PLA2G4B: variants seen among roughly 807,000 people sequenced by gnomAD.
PLA2G4B encodes the protein cytosolic phospholipase A2 beta.
Under a neutral mutation model 95.8 loss-of-function variants are expected in PLA2G4B, and 122 were observed. The observed-to-expected ratio is 1.27, with a 90% CI of 1.10 to 1.48. The LOEUF is 1.48. PLA2G4B is among the 40% of genes most tolerant of loss of function. The probability of loss-of-function intolerance (pLI) is 0.00; values close to 1 mark genes in which losing one functional copy is unlikely to be tolerated. For synonymous variants in PLA2G4B, 518 were observed against 421.5 expected, an observed-to-expected ratio of 1.23 and a Z score of -2.80; for missense variants, 1,158 against 996.2, an observed-to-expected ratio of 1.16 and a Z score of -2.19.
Position 41,841,954 on chromosome 15 carries a change from T to C in PLA2G4B, c.621+5T>C, listed in dbSNP as rs1455809584. 2.5e-6 allele frequency: 4 copies of C among 1,609,530 alleles called. No homozygotes were observed. Among genetic ancestry groups the C allele is most frequent in the Non-Finnish European group, 3.4e-6 (4 of 1,178,768 alleles). On this transcript the variant is annotated splice_donor_5th_base_variant and intron_variant, in intron 8 of 19. Transcript: ENST00000458483. ...GAGCTGAGTATTCGCCTGCAGGTAG[T>C]GTGCCTCGCTCCCTCGAGGTGGGGC...
At position 41,842,190 on chromosome 15, in the gene PLA2G4B, C is replaced by T. The variant is rs202203554; in HGVS notation, c.622-3C>T. ...TTAGGTCTGCATTCTTTGTCCCCTG[C>T]AGGATGCCCCCGAGGAGCAACTAAA... On this transcript the variant is annotated splice_region_variant and splice_polypyrimidine_tract_variant and intron_variant, in intron 8 of 19. Coordinates refer to ENST00000458483, the MANE Select transcript of PLA2G4B (RefSeq NM_001114633.2). 19 of 1,613,876 alleles carry T rather than the reference C, an allele frequency of 1.2e-5. No homozygotes were observed. The highest frequency in any genetic ancestry group is 1.6e-5 in the Non-Finnish European group (19 of 1,179,920).
intron 18 of PLA2G4B, 27 bp downstream of exon 18, chr15:41,846,862 G>A (rs1180950544): frequency 6.3e-7 from 1 of 1,587,618 alleles, no homozygotes. Context: ...AGCCCACCAG[G>A]GAGGCGGTGG....
chr15:41,840,816 G>A lies in PLA2G4B; in HGVS notation c.262G>A (p.Gly88Arg), dbSNP rs543006932. 14 of 1,614,034 alleles carry A rather than the reference G, an allele frequency of 8.7e-6. No individual in the cohort carries two copies. The highest frequency in any genetic ancestry group is 2.7e-5 in the African/African-American group (2 of 75,026). ...AGTCTTTGACCAGGACCTGGTGACCGGAGATGACCCTGTGTTGTCAGTACT... is the reference window on the plus strand; with the variant it reads ...AGTCTTTGACCAGGACCTGGTGACCAGAGATGACCCTGTGTTGTCAGTACT... ...LKVFDQDLVTGDDPVLSVLFD... is the reference protein window; with the variant it reads ...LKVFDQDLVTRDDPVLSVLFD... The change falls in exon 4 of 20, where the codon GGA (glycine) becomes AGA (arginine). Residue 88 changes from glycine to arginine, a missense_variant. By Grantham distance (125) the Gly-to-Arg change is moderately radical (BLOSUM62 -2). Coordinates refer to ENST00000458483, the MANE Select transcript of PLA2G4B (RefSeq NM_001114633.2).
chr15:41,843,912 GTA>G, intron 11 of PLA2G4B, 101 bp downstream of exon 11: 1 of 1,489,908 alleles, frequency 6.7e-7, no homozygotes. Flanking sequence ...ACCAGAGCTC[GTA>G]GCTGCCTGTC....
Position 41,846,021 on chromosome 15 carries a change from G to C in PLA2G4B, c.1574G>C (p.Arg525Pro). 4 of 1,540,852 alleles carry C rather than the reference G, an allele frequency of 2.6e-6. No individual in the cohort carries two copies. Among genetic ancestry groups the C allele is most frequent in the Non-Finnish European group, 3.5e-6 (4 of 1,143,864 alleles). ...TCAGAGCCCAGCCAGTTCTGGGACC[G>C]CTGGGTCAGGAACCAGGCCAACCTG... ...WASEPSQFWD[R>P]WVRNQANLDK... The change falls in exon 16 of 20, where the codon CGC becomes CCC. Residue 525 changes from arginine (R) to proline (P), a missense_variant. Transcript: ENST00000458483.
rs762913463 is a variant in PLA2G4B at position 41,845,537 on chromosome 15, T to C, written c.1358-101T>C. On this transcript the variant is annotated intron_variant, in intron 14 of 19. Transcript: ENST00000458483. ...AAGCCCAGGCCACAAGGCCTGGGCC[T>C]CCTGGTCCTCAGCTGCCCTAAAGCA... The C allele has an allele frequency of 1.3e-4, 206 of 1,539,912 alleles. 2 individuals carry two copies. In the South Asian group the frequency reaches 1.6e-3, roughly 12 times the overall value.
In PLA2G4B at chr15:41,847,436, A is replaced by G; in HGVS notation, c.2047A>G (p.Thr683Ala). Residue 683 changes from threonine (T) to alanine (A), a missense_variant, in exon 19 of 20, where the codon ACC becomes GCC. Thr to Ala is a moderately conservative substitution (Grantham distance 58). Coordinates refer to ENST00000458483, the MANE Select transcript of PLA2G4B (RefSeq NM_001114633.2). Reference protein sequence around the residue: ...EEQLQPRECHTFSDPTCPGAP... With the variant: ...EEQLQPRECHAFSDPTCPGAP... ...GCAGCTCCAGCCTCGGGAGTGCCAC[A>G]CCTTCTCCGACCCCACCTGCCCCGG... 6.2e-7 allele frequency: 1 copy of G among 1,613,158 alleles called. No individual in the cohort carries two copies. Among genetic ancestry groups the G allele is most frequent in the Non-Finnish European group, 8.5e-7 (1 of 1,179,810 alleles).
Position 41,847,830 on chromosome 15 carries a change from G to A in PLA2G4B, c.2316G>A (p.Val772=), listed in dbSNP as rs201204339. The change falls in exon 20 of 20, where the codon GTG becomes GTA. Residue 772 remains valine, a synonymous_variant. Transcript: ENST00000458483. ...TGCTGGAGGCTCTGCGCCAGGCAGT[G>A]CAGCGGAGGCGGCAGCGCAGGCCCC... ...EQLLEALRQA[V]QRRRQRRPH The A allele has an allele frequency of 1.5e-5, 25 of 1,612,956 alleles. No individual in the cohort carries two copies. The highest frequency in any genetic ancestry group is 1.6e-4 in the Middle Eastern group (1 of 6,084).
chr15:41,839,986 G>A (rs376184186), intron 1 of PLA2G4B, 172 bp from the exon 2 acceptor site: 111 of 734,092 alleles, frequency 1.5e-4, no homozygotes, highest in Non-Finnish European at 2.3e-4. Context: ...GCTGGCAGGC[G>A]TCATGATGGA....
chr15:41,846,155 G>C (rs558561812), intron 16 of PLA2G4B, 48 bp from the exon 17 acceptor site: 2 of 1,596,214 alleles, frequency 1.3e-6, no homozygotes, highest in East Asian at 2.3e-5. Context: ...CCACCAAGGT[G>C]GGGATAAAGG....
Position 41,848,101 on chromosome 15 carries a change from C to G in PLA2G4B, c.*241C>G, listed in dbSNP as rs1230649063. ...GTGCCTGTTTTCCCTTCTGCGCTAC[C>G]TTGAGTAGTTGGAGCACTTGATACA... On this transcript the variant is annotated 3_prime_UTR_variant, in exon 20 of 20. Coordinates refer to ENST00000458483, the MANE Select transcript of PLA2G4B (RefSeq NM_001114633.2). The G allele has an allele frequency of 1.7e-6, 1 of 597,264 alleles. No homozygotes were observed. Among genetic ancestry groups the G allele is most frequent in the African/African-American group, 1.9e-5 (1 of 53,746 alleles). The allele number at this position is 597,264 out of a possible 1,614,324, so 37.0% of individuals were successfully genotyped here.
chr15:41,846,819 T>G lies in PLA2G4B; in HGVS notation c.1931T>G (p.Leu644Arg). Residue 644 changes from leucine to arginine, a missense_variant, in exon 18 of 20, where the codon CTC (leucine) becomes CGC (arginine). Leu to Arg is a moderately radical substitution (Grantham distance 102). Transcript: ENST00000458483. ...VDLILSLDYN[L>R]HGAFQQLQLL... ...CTCATCCTGTCATTGGACTACAACCTCCACGGAGCCTTCCAGGTTGGGAAG... is the reference window on the plus strand; with the variant it reads ...CTCATCCTGTCATTGGACTACAACCGCCACGGAGCCTTCCAGGTTGGGAAG... 6.2e-7 allele frequency: 1 copy of G among 1,610,892 alleles called. No homozygotes were observed.
rs139843238 is a variant in PLA2G4B at position 41,845,257 on chromosome 15, C to T, written c.1294C>T (p.Pro432Ser). 221 of 1,614,062 alleles carry T rather than the reference C, an allele frequency of 1.4e-4. No individual in the cohort carries two copies. The highest frequency in any genetic ancestry group is 4.3e-4 in the Admixed American group (26 of 60,000). ...QREALSHGQN[P>S]LPIYCALNTK... is the part of the protein sequence containing the mutation. ...GGAGGCCCTGAGTCATGGCCAGAAC[C>T]CTCTGCCCATCTACTGTGCCCTCAA... is the stretch of plus-strand genomic sequence containing the variant. Residue 432 changes from proline (P) to serine (S), a missense_variant, in exon 14 of 20, where the codon CCT becomes TCT. Physicochemically the swap from Pro to Ser is moderately conservative, Grantham distance 74. Transcript: ENST00000458483.
In PLA2G4B at chr15:41,848,083, T is replaced by C. The variant is rs2065615000; in HGVS notation, c.*223T>C. The C allele has an allele frequency of 1.6e-6, 1 of 618,992 alleles. No individual in the cohort carries two copies. Among genetic ancestry groups the C allele is most frequent in the Non-Finnish European group, 2.8e-6 (1 of 356,314 alleles). 38.3% of individuals were successfully genotyped at this position (618,992 alleles called of 1,614,324 possible). ...CCCAAAACCCCCCGGCCTGTGCCTG[T>C]TTTCCCTTCTGCGCTACCTTGAGTA... On this transcript the variant is annotated 3_prime_UTR_variant, in exon 20 of 20. Transcript: ENST00000458483.
Position 41,844,888 on chromosome 15 carries a change from A to G in PLA2G4B, c.1057A>G (p.Lys353Glu). The G allele has an allele frequency of 6.2e-7, 1 of 1,611,276 alleles. No individual in the cohort carries two copies. The highest frequency in any genetic ancestry group is 1.3e-5 in the African/African-American group (1 of 75,006). Residue 353 changes from lysine (K) to glutamate (E), a missense_variant, in exon 13 of 20, where the codon AAG becomes GAG. Lys to Glu is a moderately conservative substitution (Grantham distance 56, BLOSUM62 1). Coordinates refer to ENST00000458483, the MANE Select transcript of PLA2G4B (RefSeq NM_001114633.2). ...TTATGAGGACCCAGAGTGGTCTCAG[A>G]AGGACCTGGCAGGGCCCACTGAGTT... ...NLYEDPEWSQ[K>E]DLAGPTELLK...
chr15:41,847,129 G>A lies in PLA2G4B; in HGVS notation c.1948-208G>A, dbSNP rs116988513. ...CTCCCAGTGTCAGAACTGGAATGCT[G>A]GGAGTAACCCGGCTCCGTCTAGCCC... On this transcript the variant is annotated intron_variant, in intron 18 of 19. Coordinates refer to ENST00000458483, the MANE Select transcript of PLA2G4B (RefSeq NM_001114633.2). Among the ~76,000 whole-genome samples the A allele has an allele frequency of 2.5e-3, 374 of 152,284 alleles. 6 individuals carry two copies. Among genetic ancestry groups the A allele is most frequent in the East Asian group, 0.023 (117 of 5,180 alleles).
intron 1 of PLA2G4B, chr15:41,839,504 G>C (rs2065385486): frequency 6.5e-6 from 1 of 153,434 alleles, no homozygotes; most frequent in Non-Finnish European, 1.5e-5. Flanking sequence ...TGGAGGACAT[G>C]ACAGCCTGTG....
Position 41,845,007 on chromosome 15 carries a change from G to T in PLA2G4B, c.1176G>T (p.Leu392Phe). The T allele has an allele frequency of 1.9e-6, 3 of 1,606,356 alleles. No homozygotes were observed. Among genetic ancestry groups the T allele is most frequent in the East Asian group, 2.3e-5 (1 of 44,440 alleles). Reference protein sequence around the residue: ...YRQELAERARLGYPSCFTNLW... With the variant: ...YRQELAERARFGYPSCFTNLW... Reference sequence around the variant, plus strand: ...AGGAGCTGGCCGAGCGTGCCCGCTTGGGCTACCCAAGCTGCTTCACCAACC... The same window carrying T: ...AGGAGCTGGCCGAGCGTGCCCGCTTTGGCTACCCAAGCTGCTTCACCAACC... Residue 392 changes from leucine to phenylalanine, a missense_variant, in exon 13 of 20, where the codon TTG (leucine) becomes TTT (phenylalanine). Transcript: ENST00000458483.
rs2065425242 is a variant in PLA2G4B, at chr15:41,841,206, AGGGGGCTCT to A, written c.393-15_393-7del. 1 of 1,613,752 alleles carries A rather than the reference AGGGGGCTCT, an allele frequency of 6.2e-7. No homozygotes were observed. The highest frequency in any genetic ancestry group is 8.5e-7 in the Non-Finnish European group (1 of 1,179,986). On this transcript the variant is annotated splice_polypyrimidine_tract_variant and intron_variant, in intron 5 of 19. Coordinates refer to ENST00000458483, the MANE Select transcript of PLA2G4B (RefSeq NM_001114633.2). ...GGGGTGGGAACCTGGACTCCTGCTAAGGGGGCTCTGGGGGCTCTTTCCAGGGCTGACCGT... is the reference window on the plus strand; with the variant it reads ...GGGGTGGGAACCTGGACTCCTGCTAAGGGGGCTCTTTCCAGGGCTGACCGT...
Sources: gnomAD v4.1 joint callset for allele counts (sites outside exome capture counted in the v4.1 genomes callset) on GRCh38, gnomAD v4.1.1 for gene constraint, MANE v1.5 for transcripts, NCBI Gene and HGNC (gene_info 2026-07-23, HGNC 2026-07-21) for gene names.